Variants in ATP2C1 observed in about 807,000 individuals in gnomAD.
ATP2C1 encodes the protein ATPase secretory pathway Ca2+ transporting 1.
In ATP2C1, 31 loss-of-function variants were observed where a neutral mutation model predicts 120.5. The observed-to-expected ratio is 0.26, with a 90% confidence interval of 0.19 to 0.35. The LOEUF (loss-of-function observed/expected upper bound fraction) is 0.35. ATP2C1 is among the 10% of genes least tolerant of loss of function. The pLI is 1.00. For synonymous variants in ATP2C1, 351 were observed against 358.7 expected (o/e 0.98, Z 0.24); for missense variants, 731 against 1,107.5 (o/e 0.66, Z 4.83).
chr3:130,916,869 T>C (rs2058713893), intron 2 of ATP2C1, among the ~76,000 whole-genome samples: 2 of 152,226 alleles, frequency 1.3e-5, no homozygotes, highest in African/African-American at 4.8e-5. Flanking sequence ...ATGTTGAGGA[T>C]TGGTTTTTCT....
downstream of ATP2C1, among the ~76,000 whole-genome samples, chr3:131,004,284 A>G (rs1436556421): frequency 6.6e-6 from 1 of 152,210 alleles, no homozygotes; most frequent in African/African-American, 2.4e-5. Flanking sequence ...TTTGCATACT[A>G]AAACGTGGTA....
At chr3:131,005,494 G>T (rs911163089), downstream of ATP2C1, among the ~76,000 whole-genome samples, 9 of 152,158 alleles carry the variant, frequency 5.9e-5, no homozygotes, top group African/African-American at 2.2e-4. Flanking sequence ...CTAGTCTGTG[G>T]CCTTTGGCTT....
intron 26 of ATP2C1, 93 bp downstream of exon 26, chr3:130,998,482 T>C: frequency 2.1e-6 from 2 of 956,922 alleles, no homozygotes; most frequent in Non-Finnish European, 3.3e-6. Context: ...GTTTTTAGCT[T>C]TGCTTAATTT....
chr3:130,921,158 T>A (rs965917957), intron 2 of ATP2C1, among the ~76,000 whole-genome samples: 1 of 150,230 alleles, frequency 6.7e-6, no homozygotes, highest in Admixed American at 6.6e-5. Context: ...CTTGGGTCAG[T>A]GCAACCTCCG....
At chr3:130,918,271 C>T (rs2058776299) in intron 2 of ATP2C1, 4 of 1,543,900 alleles carry the variant, frequency 2.6e-6, no homozygotes, top group Non-Finnish European at 3.6e-6. Flanking sequence ...ATCCCTTGGG[C>T]CCAAAGTTCT....
chr3:131,012,327 G>A (rs553843301), intron 26 of ATP2C1, among the ~76,000 whole-genome samples: 4 of 143,994 alleles, frequency 2.8e-5, no homozygotes, highest in Non-Finnish European at 3.0e-5. Flanking sequence ...GCGCCATCTC[G>A]GTTCACTGCA....
chr3:130,894,107 C>T lies in ATP2C1; in HGVS notation c.-411C>T, dbSNP rs777195269. 1.2e-5 allele frequency: 12 copies of T among 972,744 alleles called. No individual in the cohort carries two copies. The African/African-American group carries it at 1.9e-4, about 16-fold the overall frequency. The allele number at this position is 972,744 out of a possible 1,614,324, so 60.3% of individuals were successfully genotyped here. A position where few individuals can be genotyped will look rare whatever the true frequency, so the allele number is the denominator to read the frequency against. ...GCAGACCAGCACGGCCTCGCGGAGCCGGCCCGGCGGACCGTGACGGGTCCC... is the reference window on the plus strand; with the variant it reads ...GCAGACCAGCACGGCCTCGCGGAGCTGGCCCGGCGGACCGTGACGGGTCCC... On this transcript the variant is annotated 5_prime_UTR_variant, in exon 1 of 28. Transcript: ENST00000510168. The surrounding 1 kb of genome is among the most constrained non-coding windows in gnomAD (Gnocchi z 4.5).
chr3:130,970,930 G>T (rs1440422673), intron 17 of ATP2C1, among the ~76,000 whole-genome samples: 1 of 151,808 alleles, frequency 6.6e-6, no homozygotes, highest in Non-Finnish European at 1.5e-5. Context: ...GTTCATGAGG[G>T]CCAAAAAAAA....
At chr3:130,884,930 C>CTTTTTTTTTTTTTTTTTT (rs35931105) in intron 1 of ATP2C1, among the ~76,000 whole-genome samples, 7 of 120,852 alleles carry the variant, frequency 5.8e-5, no homozygotes, top group Non-Finnish European at 1.0e-4. Flanking sequence ...TCTTTTCTTT[C>CTTTTTTTTTTTTTTTTTT]TTTTTTTTTT....
At chr3:130,862,608 A>G (rs999322079) in intron 1 of ATP2C1, among the ~76,000 whole-genome samples, 2 of 152,190 alleles carry the variant, frequency 1.3e-5, no homozygotes, top group African/African-American at 4.8e-5. Context: ...TTTCTCCTTT[A>G]CTACCCACAT....
At chr3:130,858,228 A>G (rs537314786) in intron 1 of ATP2C1, among the ~76,000 whole-genome samples, 1 of 152,158 alleles carries the variant, frequency 6.6e-6, no homozygotes, top group African/African-American at 2.4e-5. Flanking sequence ...CAATACCCTC[A>G]TAGACACATC....
chr3:130,958,796 G>A (rs553678530), intron 11 of ATP2C1, among the ~76,000 whole-genome samples: 6 of 152,258 alleles, frequency 3.9e-5, no homozygotes, highest in East Asian at 3.9e-4. Context: ...GAGCCAAGTC[G>A]TAAGTGTCCC....
In ATP2C1 at chr3:130,941,588, C is replaced by T. The variant is rs2059923140; in HGVS notation, c.423-3C>T. ...CCATGGTTGTTTCTATTTCGTGTTA[C>T]AGTGTGCGTGAAGGAAAATTGGAGC... On this transcript the variant is annotated splice_region_variant and splice_polypyrimidine_tract_variant and intron_variant, in intron 7 of 27. Coordinates refer to ENST00000510168, the MANE Select transcript of ATP2C1 (RefSeq NM_001378687.1). The T allele has an allele frequency of 6.2e-7, 1 of 1,609,642 alleles. No individual in the cohort carries two copies. The highest frequency in any genetic ancestry group is 1.3e-5 in the African/African-American group (1 of 74,600).
downstream of ATP2C1, among the ~76,000 whole-genome samples, chr3:131,004,540 TG>T (rs1334125090): frequency 6.6e-6 from 1 of 152,274 alleles, no homozygotes; most frequent in African/African-American, 2.4e-5. Flanking sequence ...AGTAGTATCA[TG>T]CCTTCAGGAA....
intron 3 of ATP2C1, among the ~76,000 whole-genome samples, chr3:130,931,747 C>T (rs1247783678): frequency 6.6e-6 from 1 of 151,844 alleles, no homozygotes; most frequent in East Asian, 1.9e-4. Context: ...TAAAAGTGTA[C>T]AATTTGCATT....
At chr3:130,870,200 T>C (rs1403107747) in intron 1 of ATP2C1, among the ~76,000 whole-genome samples, 1 of 152,208 alleles carries the variant, frequency 6.6e-6, no homozygotes, top group African/African-American at 2.4e-5. Flanking sequence ...TTTCAAAATA[T>C]TACTGCTCTT....
intron 2 of ATP2C1, among the ~76,000 whole-genome samples, chr3:130,924,563 A>G (rs1357513446): frequency 3.3e-5 from 5 of 152,074 alleles, no homozygotes; most frequent in African/African-American, 4.8e-5. Flanking sequence ...CCATCTTTTT[A>G]TGATGAATTT....
intron 1 of ATP2C1, among the ~76,000 whole-genome samples, chr3:130,864,998 T>C (rs1217792390): frequency 6.6e-6 from 1 of 151,950 alleles, no homozygotes; most frequent in African/African-American, 2.4e-5. Flanking sequence ...GAATGGTAGA[T>C]CCACCGACAG....
intron 17 of ATP2C1, among the ~76,000 whole-genome samples, chr3:130,974,983 A>C (rs76517207): frequency 0.027 from 4,099 of 152,232 alleles, 193 homozygotes; most frequent in African/African-American, 0.093. Flanking sequence ...ATAGATATAG[A>C]CGTATATAGT....
Sources: gnomAD v4.1 joint callset for allele counts (sites outside exome capture counted in the v4.1 genomes callset) on GRCh38, gnomAD v4.1.1 for gene constraint, Gnocchi (gnomAD v3.1) non-coding constraint, MANE v1.5 for transcripts, NCBI Gene and HGNC (gene_info 2026-07-23, HGNC 2026-07-21) for gene names.